The following RORA variants were observed in gnomAD, a reference collection of about 807,000 sequenced individuals.
The protein encoded by RORA is nuclear receptor ROR-alpha.
Under a neutral mutation model 69.5 loss-of-function variants are expected in RORA, and 7 were observed. That is an observed-to-expected ratio of 0.10 (90% confidence interval 0.06 to 0.19). RORA has a LOEUF of 0.19. Ranked by LOEUF, RORA falls within the 10% of genes least tolerant of loss-of-function variation. RORA has a pLI of 1.00. For synonymous variants in RORA, 261 were observed against 240.8 expected (o/e 1.08, Z -0.78); for missense variants, 457 against 663.0 (o/e 0.69, Z 3.41).
At chr15:60,532,938 C>A (rs556834053) in intron 2 of RORA, among the ~76,000 whole-genome samples, 2 of 152,338 alleles carry the variant, frequency 1.3e-5, no homozygotes, top group Admixed American at 6.5e-5. Flanking sequence ...TACCTAGCCC[C>A]AGACCTTACA....
intron 8 of RORA, among the ~76,000 whole-genome samples, chr15:60,502,273 C>A (rs972934795): frequency 6.6e-6 from 1 of 152,208 alleles, no homozygotes; most frequent in East Asian, 1.9e-4. Flanking sequence ...AGTCACCGCA[C>A]CTGGCCCCAA....
chr15:61,104,634 TC>T (rs1478976106), intron 1 of RORA, among the ~76,000 whole-genome samples: 1 of 151,994 alleles, frequency 6.6e-6, no homozygotes, highest in Non-Finnish European at 1.5e-5. Flanking sequence ...TAGCCCACTC[TC>T]CCCCACTCTC....
At chr15:60,641,532 C>A (rs2069944169) in intron 2 of RORA, among the ~76,000 whole-genome samples, 1 of 152,138 alleles carries the variant, frequency 6.6e-6, no homozygotes, top group South Asian at 2.1e-4. Flanking sequence ...GCCTCAGCCT[C>A]TCGAGTAGCT....
rs921332774 is a variant in RORA at position 60,838,592 on chromosome 15, C to T, written c.167-159906G>A. Among the ~76,000 whole-genome samples, 9 of 152,122 alleles carry T rather than the reference C, an allele frequency of 5.9e-5. 1 individual carries two copies. Among genetic ancestry groups the T allele is most frequent in the African/African-American group, 2.2e-4 (9 of 41,420 alleles). ...CTTTAGAAAAAAAAGTGGCAGAAGC[C>T]ACAGTAGGTTCATGGGGAACCCCAC... is the stretch of plus-strand genomic sequence containing the variant. On this transcript the variant is annotated intron_variant, in intron 1 of 10. Coordinates refer to ENST00000335670, the MANE Select transcript of RORA (RefSeq NM_134261.3).
chr15:60,733,741 G>A (rs1003833634), intron 1 of RORA, among the ~76,000 whole-genome samples: 1 of 152,126 alleles, frequency 6.6e-6, no homozygotes, highest in Non-Finnish European at 1.5e-5. Flanking sequence ...TGATAATCAA[G>A]CATGGCCATG....
chr15:60,552,554 A>G (rs542654195), intron 2 of RORA, among the ~76,000 whole-genome samples: 1 of 152,304 alleles, frequency 6.6e-6, no homozygotes, highest in African/African-American at 2.4e-5. Flanking sequence ...CAGGTGCTCC[A>G]AAGGAATAAA....
intron 1 of RORA, among the ~76,000 whole-genome samples, chr15:61,065,043 G>A (rs900055179): frequency 6.6e-6 from 1 of 152,112 alleles, no homozygotes; most frequent in Non-Finnish European, 1.5e-5. Flanking sequence ...TGTATCTAAG[G>A]CTCCAGAATG....
chr15:61,137,590 G>T lies in RORA; in HGVS notation c.166+91463C>A, dbSNP rs149255834. Among the ~76,000 whole-genome samples the T allele has an allele frequency of 3.5e-4, 53 of 152,236 alleles. 4 individuals carry two copies. The East Asian group carries it at 0.01, about 29-fold the overall frequency. On this transcript the variant is annotated intron_variant, in intron 1 of 10. Coordinates refer to ENST00000335670, the MANE Select transcript of RORA (RefSeq NM_134261.3). ...AGTCACAGAGCTGTGCCACTGTGCTGGGCCGTTCCTAACACAGATGTTCTC... is the reference window on the plus strand; with the variant it reads ...AGTCACAGAGCTGTGCCACTGTGCTTGGCCGTTCCTAACACAGATGTTCTC...
chr15:61,150,548 A>C (rs911803247), intron 1 of RORA, among the ~76,000 whole-genome samples: 2 of 152,240 alleles, frequency 1.3e-5, no homozygotes, highest in Admixed American at 1.3e-4. Flanking sequence ...TTCAAATTGG[A>C]GTTAAATCTG....
intron 1 of RORA, among the ~76,000 whole-genome samples, chr15:61,084,845 T>C (rs2078599164): frequency 6.6e-6 from 1 of 151,904 alleles, no homozygotes; most frequent in Admixed American, 6.6e-5. Flanking sequence ...TTTTTTTTCT[T>C]TCCTATGCTG....
intron 1 of RORA, among the ~76,000 whole-genome samples, chr15:60,972,194 G>A (rs543869639): frequency 6.6e-6 from 1 of 152,326 alleles, no homozygotes; most frequent in Admixed American, 6.5e-5. Flanking sequence ...CTTCCTTTAA[G>A]GGTAGATTGG....
chr15:60,613,874 T>C (rs1344408492), intron 2 of RORA, among the ~76,000 whole-genome samples: 1 of 151,436 alleles, frequency 6.6e-6, no homozygotes, highest in African/African-American at 2.4e-5. Flanking sequence ...TATGGGACAA[T>C]AAATTTCTGC....
At chr15:60,860,490 C>A (rs1261004394) in intron 1 of RORA, among the ~76,000 whole-genome samples, 3 of 152,206 alleles carry the variant, frequency 2.0e-5, no homozygotes, top group Non-Finnish European at 4.4e-5. Flanking sequence ...CAAGCACGTA[C>A]TATGCTGTCC....
intron 2 of RORA, among the ~76,000 whole-genome samples, chr15:60,620,520 G>A (rs1291210318): frequency 1.3e-5 from 2 of 152,164 alleles, no homozygotes; most frequent in East Asian, 3.8e-4. Context: ...CCAAATCTAG[G>A]GTAGTACCTG....
At chr15:60,756,649 C>A (rs2071805563) in intron 1 of RORA, among the ~76,000 whole-genome samples, 2 of 152,118 alleles carry the variant, frequency 1.3e-5, no homozygotes, top group Admixed American at 6.6e-5. Flanking sequence ...GCCAGAAATC[C>A]TCTTTTATTT....
In RORA at chr15:60,490,640, G is replaced by A. The variant is rs2065026493; in HGVS notation, c.*6815C>T. The A allele has an allele frequency of 6.6e-6, 1 of 152,138 alleles. No homozygotes were observed. Among genetic ancestry groups the A allele is most frequent in the Non-Finnish European group, 1.5e-5 (1 of 68,008 alleles). The allele number at this position is 152,138 out of a possible 1,614,324, so 9.4% of individuals were successfully genotyped here. ...TCAAGTTGAAGAAAGCAGTAAACAAGAGATTGCATTTACATGCAGATGTCT... is the reference window on the plus strand; with the variant it reads ...TCAAGTTGAAGAAAGCAGTAAACAAAAGATTGCATTTACATGCAGATGTCT... On this transcript the variant is annotated 3_prime_UTR_variant, in exon 11 of 11. Coordinates refer to ENST00000335670, the MANE Select transcript of RORA (RefSeq NM_134261.3). This position sits in a 1 kb window ranked among gnomAD's most constrained non-coding sequence, Gnocchi z 4.1.
intron 7 of RORA, among the ~76,000 whole-genome samples, chr15:60,503,290 A>G (rs994194682): frequency 6.6e-6 from 1 of 152,178 alleles, no homozygotes; most frequent in African/African-American, 2.4e-5. Context: ...ACGTGATGGG[A>G]AAATTTGGGA....
intron 1 of RORA, among the ~76,000 whole-genome samples, chr15:60,888,563 G>A (rs1039052355): frequency 7.9e-5 from 12 of 152,200 alleles, no homozygotes; most frequent in Middle Eastern, 3.4e-3. Context: ...TTATGTTTCC[G>A]CAACTGAATA....
intron 1 of RORA, among the ~76,000 whole-genome samples, chr15:61,010,674 G>C (rs894759279): frequency 6.6e-6 from 1 of 152,128 alleles, no homozygotes; most frequent in Non-Finnish European, 1.5e-5. Context: ...GTGATCCCTT[G>C]TGCCTCAGTT....
Sources: gnomAD v4.1 joint callset for allele counts (sites outside exome capture counted in the v4.1 genomes callset) on GRCh38, gnomAD v4.1.1 for gene constraint, Gnocchi (gnomAD v3.1) non-coding constraint, MANE v1.5 for transcripts, NCBI Gene and HGNC (gene_info 2026-07-23, HGNC 2026-07-21) for gene names.